Variants in RALGAPA2 observed in about 807,000 individuals in gnomAD.
RALGAPA2 encodes the protein Ral GTPase activating protein catalytic subunit alpha 2.
A neutral mutation model predicts 230.4 loss-of-function variants in RALGAPA2; 139 were observed. The ratio of observed to expected loss-of-function variants is 0.60; its 90% confidence interval spans 0.53 to 0.69. The LOEUF (loss-of-function observed/expected upper bound fraction) is 0.69. Among genes scored for constraint, RALGAPA2 ranks in the 30% least tolerant of loss-of-function variants. The pLI is 0.00. For synonymous variants in RALGAPA2, 847 were observed against 837.8 expected (o/e 1.01, Z -0.19); for missense variants, 2,163 against 2,276.0 (o/e 0.95, Z 1.01).
intron 24 of RALGAPA2, among the ~76,000 whole-genome samples, chr20:20,541,224 T>C (rs1192495021): frequency 6.6e-6 from 1 of 152,124 alleles, no homozygotes; most frequent in Admixed American, 6.5e-5. Context: ...TTTTCATACA[T>C]AGCAGTTCCC....
At chr20:20,609,939 G>A (rs916863948) in intron 14 of RALGAPA2, among the ~76,000 whole-genome samples, 2 of 152,160 alleles carry the variant, frequency 1.3e-5, no homozygotes, top group Non-Finnish European at 2.9e-5. Context: ...TATTCAGGAG[G>A]CCAATTATTT....
chr20:20,512,223 CTACACACACACACACA>C (rs1204268869), intron 32 of RALGAPA2, among the ~76,000 whole-genome samples: 3 of 135,650 alleles, frequency 2.2e-5, no homozygotes, highest in Non-Finnish European at 4.7e-5. Flanking sequence ...ACAACCCCCC[CTACACACACACACACA>C]TACACACACA....
intron 37 of RALGAPA2, among the ~76,000 whole-genome samples, chr20:20,412,378 A>G (rs946320364): frequency 7.9e-5 from 12 of 152,258 alleles, no homozygotes; most frequent in Non-Finnish European, 1.6e-4. Flanking sequence ...ATAACACTAA[A>G]AAACATGTAA....
chr20:20,406,000 T>C (rs1450857189), intron 38 of RALGAPA2, among the ~76,000 whole-genome samples: 2 of 152,218 alleles, frequency 1.3e-5, no homozygotes, highest in Middle Eastern at 3.4e-3. Flanking sequence ...CAGTCCATTA[T>C]GGAGAGGAGA....
chr20:20,500,543 C>T (rs767887411), intron 35 of RALGAPA2, among the ~76,000 whole-genome samples: 3 of 152,218 alleles, frequency 2.0e-5, no homozygotes, highest in Non-Finnish European at 2.9e-5. Flanking sequence ...TCAGTCTCCA[C>T]TTCTAATTCT....
chr20:20,662,560 A>G (rs949817331), intron 3 of RALGAPA2, among the ~76,000 whole-genome samples: 8 of 152,242 alleles, frequency 5.3e-5, no homozygotes, highest in Non-Finnish European at 8.8e-5. Flanking sequence ...ACATAATGAA[A>G]TTATCACCAA....
intron 22 of RALGAPA2, 93 bp downstream of exon 22, chr20:20,571,755 A>C: frequency 2.0e-6 from 3 of 1,464,370 alleles, no homozygotes; most frequent in Non-Finnish European, 2.8e-6. Flanking sequence ...GCCTGTCTTC[A>C]AAACATGCAG....
At chr20:20,564,201 C>T (rs1190349315) in intron 23 of RALGAPA2, among the ~76,000 whole-genome samples, 4 of 152,174 alleles carry the variant, frequency 2.6e-5, no homozygotes, top group Non-Finnish European at 4.4e-5. Context: ...ATTATTTCTA[C>T]GCATATATCT....
intron 3 of RALGAPA2, among the ~76,000 whole-genome samples, chr20:20,664,084 T>C (rs2067876839): frequency 6.6e-6 from 1 of 152,228 alleles, no homozygotes; most frequent in African/African-American, 2.4e-5. Flanking sequence ...TTCACCACAC[T>C]ACTCAGAATG....
Position 20,531,774 on chromosome 20 carries a change from A to T in RALGAPA2, c.3495T>A (p.Leu1165=), listed in dbSNP as rs1351437023. The T allele has an allele frequency of 2.5e-6, 4 of 1,605,016 alleles. No individual in the cohort carries two copies. The Admixed American group carries it at 6.8e-5, about 27-fold the overall frequency. Residue 1165 remains leucine, a synonymous_variant, in exon 27 of 40, where the codon CTT becomes CTA. Transcript: ENST00000202677. ...EYARCIAVCS[L]GVWICEELAQ... ...CAAGCTCTTCACATATCCAGACCCC[A>T]AGGGAGCAAACAGCAATGCATCTTT...
intron 33 of RALGAPA2, among the ~76,000 whole-genome samples, chr20:20,506,494 G>A (rs1037986126): frequency 3.3e-5 from 5 of 152,042 alleles, no homozygotes; most frequent in Admixed American, 1.3e-4. Context: ...TTATTCAAAC[G>A]GAGCTTTGAT....
chr20:20,710,313 C>G (rs186682022), intron 1 of RALGAPA2, among the ~76,000 whole-genome samples: 1 of 151,932 alleles, frequency 6.6e-6, no homozygotes, highest in South Asian at 2.1e-4. Context: ...GTTCAAGAGG[C>G]CTTTGTTTTC....
At chr20:20,583,652 C>T (rs2065051278) in intron 19 of RALGAPA2, among the ~76,000 whole-genome samples, 1 of 152,142 alleles carries the variant, frequency 6.6e-6, no homozygotes, top group Admixed American at 6.6e-5. Flanking sequence ...TGCCCCAAGC[C>T]TGACAGGTAG....
intron 16 of RALGAPA2, among the ~76,000 whole-genome samples, chr20:20,597,054 A>C (rs2065476727): frequency 6.6e-6 from 1 of 152,232 alleles, no homozygotes; most frequent in Non-Finnish European, 1.5e-5. Flanking sequence ...GTAATATTGA[A>C]TGAGAACAAA....
intron 38 of RALGAPA2, among the ~76,000 whole-genome samples, chr20:20,405,035 C>CT (rs1196789131): frequency 6.6e-6 from 1 of 152,206 alleles, no homozygotes; most frequent in African/African-American, 2.4e-5. Flanking sequence ...TATCCTCTAT[C>CT]TTTTTATTTT....
chr20:20,524,995 G>A, intron 28 of RALGAPA2, 97 bp from the exon 29 acceptor site: 1 of 1,069,586 alleles, frequency 9.3e-7, no homozygotes, highest in Non-Finnish European at 1.4e-6. Context: ...ACTAAACCCA[G>A]CTTGGTGCCA....
chr20:20,434,615 T>G (rs373125005), intron 37 of RALGAPA2, among the ~76,000 whole-genome samples: 1 of 152,160 alleles, frequency 6.6e-6, no homozygotes, highest in Admixed American at 6.5e-5. Context: ...TTGCCTTTCA[T>G]CTGTTTGGGT....
chr20:20,630,191 T>C (rs967451995), intron 9 of RALGAPA2, among the ~76,000 whole-genome samples: 26 of 152,198 alleles, frequency 1.7e-4, no homozygotes, highest in Non-Finnish European at 1.0e-4. Flanking sequence ...TCCAAAGAAA[T>C]GAAGTAATTC....
intron 24 of RALGAPA2, among the ~76,000 whole-genome samples, chr20:20,543,424 T>C (rs2063700824): frequency 1.3e-5 from 2 of 152,250 alleles, no homozygotes; most frequent in Admixed American, 6.5e-5. Flanking sequence ...TAAAGACACA[T>C]GCACACGTGT....
Sources: gnomAD v4.1 joint callset for allele counts (sites outside exome capture counted in the v4.1 genomes callset) on GRCh38, gnomAD v4.1.1 for gene constraint, MANE v1.5 for transcripts, NCBI Gene and HGNC (gene_info 2026-07-23, HGNC 2026-07-21) for gene names.